The following FER variants were observed in gnomAD, a reference collection of about 807,000 sequenced individuals.
FER encodes the protein tyrosine-protein kinase Fer.
FER carries 63 observed loss-of-function variants against 111.0 expected under a neutral mutation model. The ratio of observed to expected loss-of-function variants is 0.57; its 90% CI spans 0.46 to 0.70. The LOEUF is 0.70. FER is among the 30% of genes least tolerant of loss of function. The pLI is 0.00. For missense variants in FER, 914 were observed against 954.0 expected, an observed-to-expected ratio of 0.96 and a Z score of 0.55; for synonymous variants, 327 against 313.9, an observed-to-expected ratio of 1.04 and a Z score of -0.44.
intron 10 of FER, among the ~76,000 whole-genome samples, chr5:108,942,835 T>C (rs1044546536): frequency 6.6e-6 from 1 of 152,098 alleles, no homozygotes; most frequent in African/African-American, 2.4e-5. Context: ...CCCTCTGAAT[T>C]TTATGCCTGC....
intron 2 of FER, among the ~76,000 whole-genome samples, chr5:108,782,095 C>G (rs1304164317): frequency 6.6e-6 from 1 of 152,104 alleles, no homozygotes; most frequent in African/African-American, 2.4e-5. Context: ...TCAGTTTTTC[C>G]TACCCTGCAC....
chr5:108,916,747 A>G (rs1485607801), intron 10 of FER, among the ~76,000 whole-genome samples: 1 of 152,084 alleles, frequency 6.6e-6, no homozygotes, highest in African/African-American at 2.4e-5. Flanking sequence ...AGAAAACTCT[A>G]TCATGTTCGC....
At chr5:109,072,699 C>G (rs962246544) in intron 16 of FER, among the ~76,000 whole-genome samples, 1 of 151,946 alleles carries the variant, frequency 6.6e-6, no homozygotes, top group African/African-American at 2.4e-5. Flanking sequence ...GCATGGTATA[C>G]TCTGTATTGG....
chr5:108,994,819 C>T (rs1201550095), intron 13 of FER, among the ~76,000 whole-genome samples: 1 of 152,054 alleles, frequency 6.6e-6, no homozygotes, highest in Middle Eastern at 3.2e-3. Flanking sequence ...TTGAAGAGGT[C>T]CTTCACTTCC....
At chr5:108,994,007 T>C (rs186097271) in intron 13 of FER, among the ~76,000 whole-genome samples, 401 of 152,348 alleles carry the variant, frequency 2.6e-3, no homozygotes, top group African/African-American at 9.0e-3. Context: ...AAGTTCCTTG[T>C]AGGTTCTAGA....
rs535405092 is a variant in FER, at chr5:108,948,819, A to C, written c.1329+2597A>C. ...TACTAGTTGTATCACTGATATATGG[A>C]GTGAATAATGCCCGTCTGATAGTAG... is the stretch of plus-strand genomic sequence containing the variant. On this transcript the variant is annotated intron_variant, in intron 11 of 19. Transcript: ENST00000281092. 2.0e-5 allele frequency among the ~76,000 whole-genome samples: 3 copies of C among 152,242 alleles called. No individual in the cohort carries two copies. The South Asian group carries it at 6.2e-4, about 32-fold the overall frequency.
intron 17 of FER, among the ~76,000 whole-genome samples, chr5:109,144,131 T>C (rs1753809756): frequency 6.6e-6 from 1 of 152,144 alleles, no homozygotes. Flanking sequence ...TTCAGATAGC[T>C]GAAGGTAGAG....
chr5:108,824,588 T>C, intron 3 of FER, among the ~76,000 whole-genome samples: 1 of 152,166 alleles, frequency 6.6e-6, no homozygotes, highest in South Asian at 2.1e-4. Context: ...AATTTCTTTT[T>C]TGGATAGTTT....
intron 5 of FER, among the ~76,000 whole-genome samples, chr5:108,850,288 A>G (rs1762430017): frequency 6.6e-6 from 1 of 151,006 alleles, no homozygotes; most frequent in African/African-American, 2.4e-5. Flanking sequence ...TTTCTGTATG[A>G]TATCTATAAT....
intron 6 of FER, 56 bp from the exon 7 acceptor site, chr5:108,871,309 T>A: frequency 7.1e-7 from 1 of 1,407,640 alleles, no homozygotes; most frequent in Admixed American, 1.9e-5. Context: ...CTTTTTGAGA[T>A]AGTATCTCTC....
chr5:109,091,874 A>G (rs1746808676), intron 16 of FER, among the ~76,000 whole-genome samples: 1 of 152,188 alleles, frequency 6.6e-6, no homozygotes, highest in East Asian at 1.9e-4. Flanking sequence ...ATAAATAAAG[A>G]GGGAAGAGCT....
Position 108,798,168 on chromosome 5 carries a change from C to A in FER, c.-15C>A. ...CTCACTTGTGCAGTGTGGAGGATAA[C>A]CAGTGCCTTACAAAATGGGGTTTGG... On this transcript the variant is annotated 5_prime_UTR_variant, in exon 3 of 20. Transcript: ENST00000281092. 4 of 1,609,412 alleles carry A rather than the reference C, an allele frequency of 2.5e-6. No individual in the cohort carries two copies. The highest frequency in any genetic ancestry group is 3.4e-6 in the Non-Finnish European group (4 of 1,176,158).
At chr5:108,881,692 T>A (rs1235518456) in intron 8 of FER, among the ~76,000 whole-genome samples, 1 of 152,098 alleles carries the variant, frequency 6.6e-6, no homozygotes. Flanking sequence ...GATAGGTAAT[T>A]CTTGCTGTGT....
intron 13 of FER, among the ~76,000 whole-genome samples, chr5:109,024,508 G>A (rs929469327): frequency 2.6e-5 from 4 of 152,100 alleles, no homozygotes; most frequent in African/African-American, 9.7e-5. Flanking sequence ...GTAGCCACTG[G>A]GGACAGTGCC....
rs76973151 is a variant in FER at position 108,928,943 on chromosome 5, T to A, written c.1237-17187T>A. 8.8e-3 allele frequency among the ~76,000 whole-genome samples: 1,340 copies of A among 152,230 alleles called. 23 individuals are homozygous for A. The highest frequency in any genetic ancestry group is 0.03 in the African/African-American group (1,257 of 41,538). On this transcript the variant is annotated intron_variant, in intron 10 of 19. Transcript: ENST00000281092. ...AAGCCTTGGAGTCTTTATAGTTTAC[T>A]TTTTATTATATTTTTCTATGGATTT...
At chr5:108,943,184 T>C (rs924322564) in intron 10 of FER, among the ~76,000 whole-genome samples, 3 of 152,082 alleles carry the variant, frequency 2.0e-5, no homozygotes, top group Admixed American at 6.6e-5. Flanking sequence ...AAGTACTCAT[T>C]GCCAGCCTGG....
intron 10 of FER, among the ~76,000 whole-genome samples, chr5:108,909,560 A>G (rs1484447380): frequency 6.6e-6 from 1 of 152,144 alleles, no homozygotes; most frequent in African/African-American, 2.4e-5. Context: ...ATATTTAACT[A>G]TATGGTATAT....
At chr5:109,130,598 C>T (rs937601047) in intron 17 of FER, among the ~76,000 whole-genome samples, 2 of 151,694 alleles carry the variant, frequency 1.3e-5, no homozygotes, top group Non-Finnish European at 2.9e-5. Context: ...TTTTAACATG[C>T]AATTAGTGTG....
At chr5:108,955,567 C>G (rs2149657149) in intron 12 of FER, among the ~76,000 whole-genome samples, 1 of 151,702 alleles carries the variant, frequency 6.6e-6, no homozygotes, top group Admixed American at 6.6e-5. Flanking sequence ...CTTTATTGAG[C>G]CTTAAACAGA....
Sources: gnomAD v4.1 joint callset for allele counts (sites outside exome capture counted in the v4.1 genomes callset) on GRCh38, gnomAD v4.1.1 for gene constraint, MANE v1.5 for transcripts, NCBI Gene and HGNC (gene_info 2026-07-23, HGNC 2026-07-21) for gene names.